DHODH: variants seen among roughly 807,000 people sequenced by gnomAD.
DHODH encodes dihydroorotate dehydrogenase (quinone), mitochondrial.
DHODH carries 30 observed loss-of-function variants against 39.7 expected under a neutral mutation model. The observed-to-expected ratio is 0.76, with a 90% CI of 0.57 to 1.02. DHODH has a LOEUF of 1.02. Among genes scored for constraint, DHODH ranks in the 50% least tolerant of loss-of-function variants. The pLI, the probability that DHODH is intolerant of heterozygous loss-of-function variation, is 0.00. For missense variants in DHODH, 531 were observed against 520.8 expected (o/e 1.02, Z -0.19); for synonymous variants, 222 against 213.8 (o/e 1.04, Z -0.34).
Position 72,012,034 on chromosome 16 carries a change from A to G in DHODH, c.22-16A>G, listed in dbSNP as rs1316002063. 7.4e-6 allele frequency: 12 copies of G among 1,613,028 alleles called. No homozygotes were observed. The highest frequency in any genetic ancestry group is 1.7e-5 in the Admixed American group (1 of 59,986). On this transcript the variant is annotated splice_polypyrimidine_tract_variant and intron_variant, in intron 1 of 8. Coordinates refer to ENST00000219240, the MANE Select transcript of DHODH (RefSeq NM_001361.5). Reference sequence around the variant, plus strand: ...GCCTGGCCTGGGGGACCCCCCTAATATGCTCTTTTTTGCAGAAGCGGGCCC... The same window carrying G: ...GCCTGGCCTGGGGGACCCCCCTAATGTGCTCTTTTTTGCAGAAGCGGGCCC...
intron 3 of DHODH, among the ~76,000 whole-genome samples, 175 bp downstream of exon 3, chr16:72,014,847 A>G (rs1337054824): frequency 6.6e-6 from 1 of 152,198 alleles, no homozygotes; most frequent in Non-Finnish European, 1.5e-5. Flanking sequence ...ATCTATCTTG[A>G]AAAGCATGCT....
intron 4 of DHODH, among the ~76,000 whole-genome samples, chr16:72,017,580 A>G (rs535232151): frequency 1.3e-5 from 2 of 152,318 alleles, no homozygotes; most frequent in African/African-American, 4.8e-5. Flanking sequence ...AGGCTAACTA[A>G]TATTAGCATT....
chr16:72,020,519 C>T (rs542813001), intron 4 of DHODH: 78 of 152,496 alleles, frequency 5.1e-4, no homozygotes, highest in Middle Eastern at 6.8e-3. Context: ...CTGCTCCCGG[C>T]TGAGTTTTCA....
chr16:72,012,034 A>T lies in DHODH; in HGVS notation c.22-16A>T. 6.2e-7 allele frequency: 1 copy of T among 1,613,146 alleles called. No homozygotes were observed. ...GCCTGGCCTGGGGGACCCCCCTAAT[A>T]TGCTCTTTTTTGCAGAAGCGGGCCC... On this transcript the variant is annotated splice_polypyrimidine_tract_variant and intron_variant, in intron 1 of 8. Coordinates refer to ENST00000219240, the MANE Select transcript of DHODH (RefSeq NM_001361.5).
rs748279124 is a variant in DHODH, at chr16:72,026,959, T to TTGTGTGTG, written c.*2804_*2811dup. ...GTGCCCACTACCACACCCAGCTAATTTGTGTGTGTGTGTGTGTGTGTGTGT... is the reference window on the plus strand; with the variant it reads ...GTGCCCACTACCACACCCAGCTAATTTGTGTGTGTGTGTGTGTGTGTGTGTGTGTGTGT... On this transcript the variant is annotated 3_prime_UTR_variant, in exon 9 of 9. Coordinates refer to ENST00000219240, the MANE Select transcript of DHODH (RefSeq NM_001361.5). 9.6e-5 allele frequency: 2 copies of TTGTGTGTG among 20,924 alleles called. No homozygotes were observed. Among genetic ancestry groups the TTGTGTGTG allele is most frequent in the African/African-American group, 1.9e-4 (1 of 5,342 alleles). The allele number at this position is 20,924 out of a possible 1,614,324, so 1.3% of individuals were successfully genotyped here. A position where few individuals can be genotyped will look rare whatever the true frequency, so the allele number is the denominator to read the frequency against.
intron 4 of DHODH, among the ~76,000 whole-genome samples, chr16:72,017,865 G>A (rs369744064): frequency 6.3e-5 from 9 of 143,808 alleles, no homozygotes; most frequent in African/African-American, 1.9e-4. Flanking sequence ...TCTGCTTCCC[G>A]CGTTCTCACT....
At chr16:72,015,930 GTTA>G in intron 3 of DHODH, 1 of 958,800 alleles carries the variant, frequency 1.0e-6, no homozygotes, top group South Asian at 4.8e-5. Flanking sequence ...CAGTGTGTCT[GTTA>G]TTATGGATGC....
At chr16:72,016,589 G>A in intron 3 of DHODH, 1 of 314,596 alleles carries the variant, frequency 3.2e-6, no homozygotes, top group South Asian at 2.9e-5. Context: ...TGCGAGCTCT[G>A]TGCAGGAGGA....
chr16:72,008,983 G>T (rs571566080), intron 1 of DHODH, 198 bp downstream of exon 1: 2 of 1,475,120 alleles, frequency 1.4e-6, no homozygotes, highest in East Asian at 2.5e-5. Context: ...GGCGTGTGCA[G>T]ACAGCGCCTG....
chr16:72,021,218 G>A lies in DHODH; in HGVS notation c.612G>A (p.Leu204=). ...YAEGVRVLGP[L]ADYLVVNVSS... is the part of the protein sequence containing the mutation. ...AAGGGGTGCGCGTACTGGGCCCCCT[G>A]GCCGACTACCTGGTGGTGAATGTGT... is the stretch of plus-strand genomic sequence containing the variant. The change falls in exon 5 of 9, where the codon CTG becomes CTA. Residue 204 remains leucine, a synonymous_variant. Coordinates refer to ENST00000219240, the MANE Select transcript of DHODH (RefSeq NM_001361.5). 1 of 1,612,320 alleles carries A rather than the reference G, an allele frequency of 6.2e-7. No individual in the cohort carries two copies. Among genetic ancestry groups the A allele is most frequent in the East Asian group, 2.2e-5 (1 of 44,802 alleles).
intron 4 of DHODH, among the ~76,000 whole-genome samples, chr16:72,018,853 A>G (rs758471791): frequency 6.6e-6 from 1 of 152,212 alleles, no homozygotes; most frequent in South Asian, 2.1e-4. Flanking sequence ...ATTCTCCTTC[A>G]AGTCAGTTTA....
At chr16:72,022,500 G>T in intron 6 of DHODH, 25 bp downstream of exon 6, 4 of 1,534,010 alleles carry the variant, frequency 2.6e-6, no homozygotes, top group Non-Finnish European at 3.5e-6. Context: ...CTGGGCCCAG[G>T]GTGTGCCTCC....
chr16:72,019,772 G>A (rs1014603172), intron 4 of DHODH, among the ~76,000 whole-genome samples: 1 of 152,140 alleles, frequency 6.6e-6, no homozygotes, highest in East Asian at 1.9e-4. Flanking sequence ...TATTATATGA[G>A]GGAGAGTCCC....
chr16:72,012,306 G>C lies in DHODH; in HGVS notation c.234+44G>C, dbSNP rs754794207. On this transcript the variant is annotated intron_variant, in intron 2 of 8. Transcript: ENST00000219240. ...CTATACATTAAATACAAAGGCGAAG[G>C]CTGCAGTCCCCTAAACTTCTCAGCT... The C allele has an allele frequency of 3.8e-6, 6 of 1,575,770 alleles. No individual in the cohort carries two copies. The South Asian group carries it at 5.6e-5, about 15-fold the overall frequency.
chr16:72,020,353 A>ATATATATATATATATGTG (rs1491148985), intron 4 of DHODH: 10 of 109,428 alleles, frequency 9.1e-5, no homozygotes, highest in African/African-American at 4.1e-4. Context: ...ATATATATAT[A>ATATATATATATATATGTG]TGTGTATATA....
At chr16:72,009,052 C>T in intron 1 of DHODH, 4 of 1,406,860 alleles carry the variant, frequency 2.8e-6, no homozygotes, top group South Asian at 1.5e-5. Flanking sequence ...TTGAGCCTGG[C>T]ACAGGGGTGC....
In DHODH at chr16:72,016,978, A is replaced by G. The variant is rs781754500; in HGVS notation, c.435-46A>G. ...AGTCCTAAGTGTATGGGAAGTGGCT[A>G]TGGTGCCGTCTCACTCTGCCCCTCC... On this transcript the variant is annotated intron_variant, in intron 3 of 8. Coordinates refer to ENST00000219240, the MANE Select transcript of DHODH (RefSeq NM_001361.5). 19 of 1,553,848 alleles carry G rather than the reference A, an allele frequency of 1.2e-5. No individual in the cohort carries two copies. In the Admixed American group the frequency reaches 1.5e-4, roughly 12 times the overall value.
At chr16:72,020,146 C>T (rs372838880) in intron 4 of DHODH, among the ~76,000 whole-genome samples, 4 of 151,730 alleles carry the variant, frequency 2.6e-5, no homozygotes, top group East Asian at 3.9e-4. Context: ...CGTGGTGGCA[C>T]ATGCGTGTAA....
chr16:72,020,361 ATATATATATATT>A (rs2041197107), intron 4 of DHODH: 2 of 69,412 alleles, frequency 2.9e-5, no homozygotes, highest in African/African-American at 1.2e-4. Flanking sequence ...ATATGTGTAT[ATATATATATATT>A]TTTTTTTTTT....
Sources: gnomAD v4.1 joint callset for allele counts (sites outside exome capture counted in the v4.1 genomes callset) on GRCh38, gnomAD v4.1.1 for gene constraint, MANE v1.5 for transcripts, NCBI Gene and HGNC (gene_info 2026-07-23, HGNC 2026-07-21) for gene names.